JHY: variants seen among roughly 807,000 people sequenced by gnomAD.
JHY encodes the protein jhy protein homolog.
Under a neutral mutation model 78.0 loss-of-function variants are expected in JHY, and 69 were observed. The observed-to-expected ratio is 0.88, with a 90% confidence interval of 0.73 to 1.08. The LOEUF (loss-of-function observed/expected upper bound fraction) is 1.08, where lower values mean the gene tolerates loss of function less well. JHY is among the 50% of genes least tolerant of loss of function. The pLI is 0.00. For synonymous variants in JHY, 368 were observed against 342.6 expected (o/e 1.07, Z -0.82); for missense variants, 944 against 927.8 (o/e 1.02, Z -0.23).
rs1308295128 is a variant in JHY, at chr11:122,934,425, C to T, written c.984C>T (p.Tyr328=). 2 of 1,591,446 alleles carry T rather than the reference C, an allele frequency of 1.3e-6. No individual in the cohort carries two copies. The highest frequency in any genetic ancestry group is 1.7e-6 in the Non-Finnish European group (2 of 1,166,512). The part of the protein sequence containing the change: ...WHQRAQQLKN[Y]QEHWSQYEST... ...AACCAAAAATATCTCTTTAGAATTA[C>T]CAGGAACACTGGTCTCAATATGAAA... The change falls in exon 5 of 9, where the codon TAC becomes TAT. Residue 328 remains tyrosine, a synonymous_variant. Transcript: ENST00000227349.
Position 122,903,970 on chromosome 11 carries a change from G to A in JHY, c.390G>A (p.Pro130=), listed in dbSNP as rs770027099. ...AATATTCAGACCTCCGCTATGACCCGAACTGGAAGAGTAAGAAGGAGGAAG... is the reference window on the plus strand; with the variant it reads ...AATATTCAGACCTCCGCTATGACCCAAACTGGAAGAGTAAGAAGGAGGAAG... ...EDKYSDLRYD[P]NWKSKKEEGQ... is the part of the protein sequence containing the mutation. Residue 130 remains proline, a synonymous_variant, in exon 3 of 9, where the codon CCG becomes CCA. Transcript: ENST00000227349. 9.9e-6 allele frequency: 16 copies of A among 1,612,312 alleles called. No individual in the cohort carries two copies. The highest frequency in any genetic ancestry group is 1.1e-5 in the Non-Finnish European group (13 of 1,178,784).
intron 2 of JHY, among the ~76,000 whole-genome samples, chr11:122,886,666 T>A (rs1862503555): frequency 6.6e-6 from 1 of 152,204 alleles, no homozygotes; most frequent in East Asian, 1.9e-4. Context: ...CAGGTTGGTC[T>A]TGAACTCCTA....
Position 122,934,561 on chromosome 11 carries a change from A to G in JHY, c.1120A>G (p.Asn374Asp). Residue 374 changes from asparagine to aspartate, a missense_variant, in exon 5 of 9, where the codon AAT becomes GAT. Physicochemically the swap from Asn to Asp is conservative, Grantham distance 23. Coordinates refer to ENST00000227349, the MANE Select transcript of JHY (RefSeq NM_024806.4). ...GATTCGAAAGCAGTGTAAACACCAG[A>G]ATGGCCTGAAGTCTTCCACAACGGA... ...LKIRKQCKHQ[N>D]GLKSSTTEEV... 6.2e-7 allele frequency: 1 copy of G among 1,614,102 alleles called. No individual in the cohort carries two copies. The highest frequency in any genetic ancestry group is 1.1e-5 in the South Asian group (1 of 91,076).
At position 122,961,319 on chromosome 11, in the gene JHY, GT is replaced by G. The variant is rs112532693; in HGVS notation, c.*1882del. 0.49 allele frequency among the ~76,000 whole-genome samples: 73,553 copies of G among 151,256 alleles called. 18,621 individuals carry two copies. The highest frequency in any genetic ancestry group is 0.56 in the Non-Finnish European group (38,168 of 67,748). ...GTTCCATGATCATTTTTTTATTGTT[GT>G]TTTTTTTGCTGTTGTTGTTGTTTTT... On this transcript the variant is annotated 3_prime_UTR_variant, in exon 9 of 9. Transcript: ENST00000227349.
rs1220110313 is a variant in JHY, at chr11:122,960,925, A to T, written c.*1480A>T. 1 of 711,338 alleles carries T rather than the reference A, an allele frequency of 1.4e-6. No homozygotes were observed. Among genetic ancestry groups the T allele is most frequent in the African/African-American group, 1.7e-5 (1 of 57,320 alleles). 44.1% of individuals were successfully genotyped at this position (711,338 alleles called of 1,614,324 possible). ...TATAAGGAAGTAAAGAATCGCCTGG[A>T]CTATCATATATCTGTGCAGAACATG... On this transcript the variant is annotated 3_prime_UTR_variant, in exon 9 of 9. Coordinates refer to ENST00000227349, the MANE Select transcript of JHY (RefSeq NM_024806.4).
At chr11:122,907,990 A>G (rs1863031531) in intron 3 of JHY, among the ~76,000 whole-genome samples, 1 of 152,036 alleles carries the variant, frequency 6.6e-6, no homozygotes, top group South Asian at 2.1e-4. Flanking sequence ...TTGTTCCAGA[A>G]TAGAGCAGTG....
chr11:122,906,576 A>C (rs1278032791), intron 3 of JHY, among the ~76,000 whole-genome samples: 2 of 152,206 alleles, frequency 1.3e-5, no homozygotes, highest in African/African-American at 4.8e-5. Flanking sequence ...AAAGAAGCTG[A>C]TCCGGAAGGA....
intron 6 of JHY, chr11:122,947,437 A>G (rs529946121): frequency 1.3e-5 from 2 of 152,344 alleles, no homozygotes; most frequent in Admixed American, 6.5e-5. Flanking sequence ...TAGGGCCTAC[A>G]TGATTTAACA....
rs535461722 is a variant in JHY, at chr11:122,962,641, G to T, written c.*3196G>T. Among the ~76,000 whole-genome samples, 32 of 152,234 alleles carry T rather than the reference G, an allele frequency of 2.1e-4. No homozygotes were observed. Among genetic ancestry groups the T allele is most frequent in the African/African-American group, 7.0e-4 (29 of 41,536 alleles). On this transcript the variant is annotated 3_prime_UTR_variant, in exon 9 of 9. Coordinates refer to ENST00000227349, the MANE Select transcript of JHY (RefSeq NM_024806.4). ...TTGTTTCCGAAATGGCCTTAAATTC[G>T]AACTTAATTTGGAAGAGAAAAAGAA... is the stretch of plus-strand genomic sequence containing the variant.
At chr11:122,905,083 G>T in intron 3 of JHY, 2 of 974,936 alleles carry the variant, frequency 2.1e-6, no homozygotes, top group Non-Finnish European at 1.6e-6. Flanking sequence ...ATTTGTTATT[G>T]TCCTGTGTAA....
chr11:122,890,939 T>A (rs1411879979), intron 2 of JHY, among the ~76,000 whole-genome samples: 1 of 152,166 alleles, frequency 6.6e-6, no homozygotes, highest in East Asian at 1.9e-4. Flanking sequence ...AGCATTTGGG[T>A]AAATAATGCC....
intron 3 of JHY, among the ~76,000 whole-genome samples, chr11:122,914,676 C>G (rs751470055): frequency 6.6e-6 from 1 of 152,032 alleles, no homozygotes; most frequent in African/African-American, 2.4e-5. Context: ...AACTCCTGAC[C>G]TCATGATCTG....
chr11:122,946,793 G>A lies in JHY; in HGVS notation c.1929+1G>A, dbSNP rs199990909. On this transcript the variant is annotated splice_donor_variant, in intron 6 of 8. Coordinates refer to ENST00000227349, the MANE Select transcript of JHY (RefSeq NM_024806.4). LOFTEE classifies it high-confidence loss of function. ...GCATAAGAAAAGAAGCAGCAGTAAG[G>A]TAATAAAAGCGCCATTTTTACCAAG... The A allele has an allele frequency of 5.0e-6, 8 of 1,599,548 alleles. No homozygotes were observed. Among genetic ancestry groups the A allele is most frequent in the Middle Eastern group, 1.7e-4 (1 of 5,972 alleles).
chr11:122,921,671 C>G (rs1037819662), intron 3 of JHY, among the ~76,000 whole-genome samples: 2 of 152,092 alleles, frequency 1.3e-5, no homozygotes, highest in Non-Finnish European at 2.9e-5. Context: ...CTTGAACTAG[C>G]ACTGTGAGAG....
At chr11:122,936,060 A>G (rs1419328415) in intron 5 of JHY, among the ~76,000 whole-genome samples, 2 of 152,244 alleles carry the variant, frequency 1.3e-5, no homozygotes, top group Non-Finnish European at 2.9e-5. Context: ...TTTATTCTTT[A>G]TATTTTCAGA....
In JHY at chr11:122,962,951, A is replaced by T. The variant is rs559658345; in HGVS notation, c.*3506A>T. ...AGGTTGTCCTTGTTTCTCTGTGTGG[A>T]TGAGCAACATATAGTTGCTATGAAT... On this transcript the variant is annotated 3_prime_UTR_variant, in exon 9 of 9. Coordinates refer to ENST00000227349, the MANE Select transcript of JHY (RefSeq NM_024806.4). 2.5e-4 allele frequency among the ~76,000 whole-genome samples: 38 copies of T among 152,218 alleles called. No individual in the cohort carries two copies. The highest frequency in any genetic ancestry group is 8.2e-4 in the African/African-American group (34 of 41,546).
At chr11:122,904,535 G>C (rs1038955869) in intron 3 of JHY, 91 bp downstream of exon 3, 8 of 1,414,076 alleles carry the variant, frequency 5.7e-6, no homozygotes, top group Middle Eastern at 2.4e-4. Context: ...CCTTTAAGAT[G>C]ACGATGTCAT....
chr11:122,907,104 T>C (rs1485710317), intron 3 of JHY, among the ~76,000 whole-genome samples: 1 of 152,192 alleles, frequency 6.6e-6, no homozygotes, highest in Non-Finnish European at 1.5e-5. Context: ...CCTCTTGCCT[T>C]AGACACCTGA....
At chr11:122,946,470 G>C in intron 5 of JHY, 28 bp from the exon 6 acceptor site, 1 of 1,543,928 alleles carries the variant, frequency 6.5e-7, no homozygotes, top group South Asian at 1.3e-5. Flanking sequence ...TTTATTAATA[G>C]ATTTGTGCCT....
Sources: allele counts gnomAD v4.1 joint callset (sites outside exome capture counted in the v4.1 genomes callset), GRCh38; gene constraint gnomAD v4.1.1; transcripts MANE v1.5; gene names NCBI Gene and HGNC (gene_info 2026-07-23, HGNC 2026-07-21).